SRCIN1: variants seen among roughly 807,000 people sequenced by gnomAD.
SRCIN1 encodes SRC kinase signaling inhibitor 1, also known as P130Cas-associated protein.
Under a neutral mutation model 116.2 loss-of-function variants are expected in SRCIN1, and 50 were observed. The ratio of observed to expected loss-of-function variants is 0.43; its 90% CI spans 0.34 to 0.54. The LOEUF is 0.54. SRCIN1 is among the 20% of genes least tolerant of loss of function. The pLI, the probability that SRCIN1 is intolerant of heterozygous loss-of-function variation, is 0.02. For missense variants in SRCIN1, 1,446 were observed against 1,672.0 expected, an observed-to-expected ratio of 0.86 and a Z score of 2.36; for synonymous variants, 736 against 750.0, an observed-to-expected ratio of 0.98 and a Z score of 0.30.
In SRCIN1 at chr17:38,562,153, G is replaced by C; in HGVS notation, c.1010C>G (p.Pro337Arg). The change falls in exon 7 of 19, where the codon CCG (proline) becomes CGG (arginine). Residue 337 changes from proline to arginine, a missense_variant. Transcript: ENST00000617146. This position sits in a 1 kb window ranked among gnomAD's most constrained non-coding sequence, Gnocchi z 4.2. ...CACCGGGCTGCCGGCGTACGAAGGCGGGCGCCCCCCGGCGTACGATAGGCG... is the reference window on the plus strand; with the variant it reads ...CACCGGGCTGCCGGCGTACGAAGGCCGGCGCCCCCCGGCGTACGATAGGCG... The part of the protein sequence containing the change: ...RSRLSYAGGR[P>R]PSYAGSPVHH... 1 of 1,366,612 alleles carries C rather than the reference G, an allele frequency of 7.3e-7. No individual in the cohort carries two copies. Among genetic ancestry groups the C allele is most frequent in the Non-Finnish European group, 9.4e-7 (1 of 1,067,838 alleles). The allele number at this position is 1,366,612 out of a possible 1,614,324, so 84.7% of individuals were successfully genotyped here.
chr17:38,579,465 CAGAT>C (rs1429921634), intron 1 of SRCIN1, among the ~76,000 whole-genome samples: 6 of 152,170 alleles, frequency 3.9e-5, no homozygotes, highest in Non-Finnish European at 5.9e-5. Context: ...CAGAGACAGA[CAGAT>C]AGACAGACAG....
intron 1 of SRCIN1, among the ~76,000 whole-genome samples, chr17:38,597,330 A>G (rs1202428454): frequency 6.6e-6 from 1 of 152,246 alleles, no homozygotes; most frequent in Non-Finnish European, 1.5e-5. Flanking sequence ...CCAGGGGCCC[A>G]GCCCCAGACA....
chr17:38,536,982 G>C (rs1325618593), intron 18 of SRCIN1, among the ~76,000 whole-genome samples: 1 of 151,904 alleles, frequency 6.6e-6, no homozygotes, highest in Non-Finnish European at 1.5e-5. Context: ...TTTGAGACCA[G>C]CCTGGCCAAC....
upstream of SRCIN1, among the ~76,000 whole-genome samples, chr17:38,606,227 T>C (rs1433390542): frequency 6.6e-6 from 1 of 151,496 alleles, no homozygotes; most frequent in Non-Finnish European, 1.5e-5. The surrounding 1 kb of genome is among the most constrained non-coding windows in gnomAD (Gnocchi z 5.2). Flanking sequence ...GACAAATACA[T>C]TGACCGAGGA....
At chr17:38,545,275 A>C (rs1404999919) in intron 17 of SRCIN1, 1 of 151,282 alleles carries the variant, frequency 6.6e-6, no homozygotes, top group African/African-American at 2.4e-5. Context: ...CTCCCCCACT[A>C]CCCCTGGTGG....
intron 15 of SRCIN1, among the ~76,000 whole-genome samples, chr17:38,550,868 C>T (rs2143091680): frequency 6.6e-6 from 1 of 152,332 alleles, no homozygotes; most frequent in African/African-American, 2.4e-5. Context: ...GGGCATGTGC[C>T]CAGCCAAGCC....
chr17:38,558,852 T>C lies in SRCIN1; in HGVS notation c.2026-450A>G, dbSNP rs752999641. On this transcript the variant is annotated intron_variant, in intron 10 of 18. Transcript: ENST00000617146. This position sits in a 1 kb window ranked among gnomAD's most constrained non-coding sequence, Gnocchi z 4.6. ...TGCCGACAGTGCGGCCGCATGGCTA[T>C]GGCTTCCATCATCCCGGAATGGGGA... Among the ~76,000 whole-genome samples the C allele has an allele frequency of 5.3e-5, 8 of 152,184 alleles. No individual in the cohort carries two copies. The highest frequency in any genetic ancestry group is 1.2e-4 in the Non-Finnish European group (8 of 68,026).
intron 2 of SRCIN1, among the ~76,000 whole-genome samples, chr17:38,573,509 C>T (rs1168290647): frequency 6.6e-6 from 1 of 152,204 alleles, no homozygotes; most frequent in Non-Finnish European, 1.5e-5. Flanking sequence ...GGAGGAAGGT[C>T]TGCTCAAGCG....
In SRCIN1 at chr17:38,563,626, G is replaced by A; in HGVS notation, c.542-105C>T. 1 of 1,454,200 alleles carries A rather than the reference G, an allele frequency of 6.9e-7. No homozygotes were observed. The highest frequency in any genetic ancestry group is 2.0e-5 in the Admixed American group (1 of 50,888). 90.1% of individuals were successfully genotyped at this position (1,454,200 alleles called of 1,614,324 possible). A position where few individuals can be genotyped will look rare whatever the true frequency, so the allele number is the denominator to read the frequency against. On this transcript the variant is annotated intron_variant, in intron 4 of 18. Coordinates refer to ENST00000617146, the MANE Select transcript of SRCIN1 (RefSeq NM_025248.3). This position sits in a 1 kb window ranked among gnomAD's most constrained non-coding sequence, Gnocchi z 5.8. ...AGCTGCGCCAGCCCCGCAGCGGCAG[G>A]GTCTGAGGCTAGACGCCGCCCCCGA...
chr17:38,566,367 G>A (rs936293049), intron 3 of SRCIN1, among the ~76,000 whole-genome samples: 23 of 152,290 alleles, frequency 1.5e-4, no homozygotes, highest in Admixed American at 7.8e-4. Context: ...CTCTCGAGAG[G>A]AGGGAAAACC....
Position 38,564,085 on chromosome 17 carries a change from G to T in SRCIN1, c.541+33C>A. On this transcript the variant is annotated intron_variant, in intron 4 of 18. Transcript: ENST00000617146. The stretch of plus-strand genomic sequence containing the variant: ...GTGAAGAGCAGAGGGAGGAGCCTGT[G>T]TGGGGAGGGAGGGTGGACTGGGCGG... The T allele has an allele frequency of 5.1e-6, 8 of 1,573,060 alleles. No homozygotes were observed. In the South Asian group the frequency reaches 9.3e-5, roughly 18 times the overall value.
chr17:38,570,396 G>A (rs1907002560), intron 2 of SRCIN1, among the ~76,000 whole-genome samples: 1 of 152,206 alleles, frequency 6.6e-6, no homozygotes, highest in African/African-American at 2.4e-5. Context: ...ACAGAGACAC[G>A]GGTGCCCACT....
Position 38,602,278 on chromosome 17 carries a change from C to A in SRCIN1, c.22+3406G>T, listed in dbSNP as rs1201549196. 2 of 152,250 alleles carry A rather than the reference C, an allele frequency of 1.3e-5. No homozygotes were observed. Among genetic ancestry groups the A allele is most frequent in the Non-Finnish European group, 1.5e-5 (1 of 68,054 alleles). 9.4% of individuals were successfully genotyped at this position (152,250 alleles called of 1,614,324 possible). On this transcript the variant is annotated intron_variant, in intron 1 of 18. Transcript: ENST00000617146. The surrounding 1 kb of genome is among the most constrained non-coding windows in gnomAD (Gnocchi z 4.2). The stretch of plus-strand genomic sequence containing the variant: ...AAGCCTTCATCTCCGCTACTCAGAG[C>A]TTGGAATGAAAGAAGGGGAAGCGAG...
At chr17:38,545,745 C>T (rs759415152) in intron 17 of SRCIN1, among the ~76,000 whole-genome samples, 18 of 152,208 alleles carry the variant, frequency 1.2e-4, no homozygotes, top group East Asian at 1.9e-4. Context: ...CTCTGGGAGC[C>T]GGGCTCAGGG....
intron 1 of SRCIN1, among the ~76,000 whole-genome samples, chr17:38,586,662 A>C (rs889318541): frequency 6.6e-6 from 1 of 152,152 alleles, no homozygotes; most frequent in Admixed American, 6.5e-5. Context: ...TGGGCATCCA[A>C]TGGGATGGGG....
chr17:38,603,642 C>T (rs572282973), intron 1 of SRCIN1, among the ~76,000 whole-genome samples: 1 of 152,266 alleles, frequency 6.6e-6, no homozygotes, highest in Admixed American at 6.5e-5. Flanking sequence ...CAAAGACCCT[C>T]TTGTCCCCAA....
chr17:38,564,056 G>A, intron 4 of SRCIN1, 62 bp downstream of exon 4: 2 of 1,523,578 alleles, frequency 1.3e-6, no homozygotes, highest in South Asian at 2.4e-5. Context: ...GGGGGCTCCA[G>A]GGAGTGAAGA....
At chr17:38,557,983 A>G (rs1222863825) in intron 11 of SRCIN1, among the ~76,000 whole-genome samples, 1 of 152,180 alleles carries the variant, frequency 6.6e-6, no homozygotes, top group Non-Finnish European at 1.5e-5. Flanking sequence ...GTGGATCATT[A>G]TGAAGCAAGA....
chr17:38,594,040 A>G (rs1373784531), intron 1 of SRCIN1, among the ~76,000 whole-genome samples: 1 of 152,222 alleles, frequency 6.6e-6, no homozygotes, highest in Admixed American at 6.5e-5. Flanking sequence ...ATTCCAGAAA[A>G]GGGTGGGTGA....
Sources: gnomAD v4.1 joint callset for allele counts (sites outside exome capture counted in the v4.1 genomes callset) on GRCh38, gnomAD v4.1.1 for gene constraint, Gnocchi (gnomAD v3.1) non-coding constraint, MANE v1.5 for transcripts, NCBI Gene and HGNC (gene_info 2026-07-23, HGNC 2026-07-21) for gene names.